Variants in NAALADL2 observed in about 807,000 individuals in gnomAD.
NAALADL2 encodes the protein N-acetylated alpha-linked acidic dipeptidase like 2.
In NAALADL2, 76 loss-of-function variants were observed where a neutral mutation model predicts 87.2. That is an observed-to-expected ratio of 0.87 (90% CI 0.72 to 1.05). The LOEUF is 1.05. Among genes scored for constraint, NAALADL2 ranks in the 50% least tolerant of loss-of-function variants. NAALADL2 has a pLI of 0.00. For missense variants in NAALADL2, 1,089 were observed against 945.8 expected, an observed-to-expected ratio of 1.15 and a Z score of -1.99; for synonymous variants, 354 against 331.0, an observed-to-expected ratio of 1.07 and a Z score of -0.75.
rs1186031982 is a variant in NAALADL2, at chr3:175,803,862, A to AAAT, written c.*660_*662dup. On this transcript the variant is annotated 3_prime_UTR_variant, in exon 14 of 14. Transcript: ENST00000454872. ...GAGCTACATAGAGCAATTTAAATGC[A>AAAT]AATTTTTTTCCTAACAACTTACAAG... The AAAT allele has an allele frequency of 6.6e-6, 1 of 152,406 alleles. No individual in the cohort carries two copies. Among genetic ancestry groups the AAAT allele is most frequent in the African/African-American group, 2.4e-5 (1 of 41,426 alleles). The allele number at this position is 152,406 out of a possible 1,614,324, so 9.4% of individuals were successfully genotyped here.
intron 2 of NAALADL2, among the ~76,000 whole-genome samples, chr3:174,606,867 G>A (rs542284789): frequency 1.1e-4 from 16 of 152,186 alleles, no homozygotes; most frequent in South Asian, 1.0e-3. Flanking sequence ...ACACATAATC[G>A]TCAGATTCAC....
chr3:175,485,670 C>G (rs1368248391), intron 9 of NAALADL2, among the ~76,000 whole-genome samples: 2 of 152,096 alleles, frequency 1.3e-5, no homozygotes, highest in Non-Finnish European at 2.9e-5. Context: ...GCTTTTCCAC[C>G]TTCATCTTCC....
At chr3:175,722,240 C>T (rs1260782726) in intron 11 of NAALADL2, among the ~76,000 whole-genome samples, 2 of 151,976 alleles carry the variant, frequency 1.3e-5, no homozygotes, top group Non-Finnish European at 2.9e-5. Context: ...TCAGTTGCTG[C>T]CCCATAAATT....
intron 1 of NAALADL2, among the ~76,000 whole-genome samples, chr3:175,026,104 C>A (rs1260064741): frequency 1.3e-5 from 2 of 152,114 alleles, no homozygotes; most frequent in Non-Finnish European, 2.9e-5. Context: ...AGCCACTGTA[C>A]CTGGCTGTTT....
chr3:174,646,606 T>C (rs1207524536), intron 2 of NAALADL2, among the ~76,000 whole-genome samples: 1 of 93,220 alleles, frequency 1.1e-5, no homozygotes, highest in African/African-American at 4.3e-5. Flanking sequence ...AGATAAACTT[T>C]AGATAACAGT....
chr3:175,291,331 C>G (rs1164456095), intron 4 of NAALADL2, among the ~76,000 whole-genome samples: 2 of 152,010 alleles, frequency 1.3e-5, no homozygotes, highest in African/African-American at 4.8e-5. Flanking sequence ...TTAGACTTTT[C>G]CAATTTGCTA....
chr3:175,407,111 G>C (rs1712552937), intron 5 of NAALADL2, among the ~76,000 whole-genome samples: 1 of 152,084 alleles, frequency 6.6e-6, no homozygotes, highest in Non-Finnish European at 1.5e-5. Flanking sequence ...TTGAACCCAG[G>C]AGGCAGAGGT....
chr3:175,781,308 G>A (rs955036922), intron 13 of NAALADL2, among the ~76,000 whole-genome samples: 8 of 152,064 alleles, frequency 5.3e-5, no homozygotes, highest in African/African-American at 1.9e-4. Context: ...TGATGTTTCA[G>A]TCAAATATGG....
intron 8 of NAALADL2, 117 bp from the exon 9 acceptor site, chr3:175,471,522 T>C: frequency 1.5e-6 from 1 of 646,078 alleles, no homozygotes; most frequent in South Asian, 2.0e-5. Flanking sequence ...AGAAGGTAAT[T>C]ATGCAATATA....
intron 2 of NAALADL2, among the ~76,000 whole-genome samples, chr3:174,705,511 G>A (rs1218589423): frequency 6.6e-6 from 1 of 152,112 alleles, no homozygotes; most frequent in African/African-American, 2.4e-5. Flanking sequence ...TGGGCCGGGC[G>A]CGATGGCTCA....
chr3:174,462,650 A>T lies in NAALADL2; in HGVS notation c.-184+21618A>T, dbSNP rs111737630. 7.0e-3 allele frequency among the ~76,000 whole-genome samples: 1,067 copies of T among 152,256 alleles called. 8 individuals carry two copies. The highest frequency in any genetic ancestry group is 0.025 in the African/African-American group (1,019 of 41,562). ...TCAGTGTTGTTAGAGAGGTGTCAAG[A>T]TATGCGTCTTTGAATTTGAGATAAT... On this transcript the variant is annotated intron_variant, in intron 1 of 3. Coordinates refer to the NAALADL2 transcript ENST00000434257.
At chr3:174,925,478 G>C (rs1735876919) in intron 1 of NAALADL2, among the ~76,000 whole-genome samples, 1 of 152,176 alleles carries the variant, frequency 6.6e-6, no homozygotes, top group Admixed American at 6.5e-5. Flanking sequence ...CTGTAGCCTT[G>C]TAGTATAGTT....
At position 174,639,501 on chromosome 3, in the gene NAALADL2, C is replaced by T. The variant is rs1420202606; in HGVS notation, c.-115+88864C>T. The stretch of plus-strand genomic sequence containing the variant: ...TCAGATTTAGCAGTAGTAATTACAT[C>T]GCTGCAAAAGCTACAAATTAGGGCT... On this transcript the variant is annotated intron_variant, in intron 2 of 3. Coordinates refer to the NAALADL2 transcript ENST00000434257. Among the ~76,000 whole-genome samples, 4 of 152,240 alleles carry T rather than the reference C, an allele frequency of 2.6e-5. No individual in the cohort carries two copies. The East Asian group carries it at 5.8e-4, about 22-fold the overall frequency.
chr3:174,982,345 G>C (rs949023052), intron 1 of NAALADL2, among the ~76,000 whole-genome samples: 1 of 151,620 alleles, frequency 6.6e-6, no homozygotes, highest in Admixed American at 6.6e-5. Flanking sequence ...TCAATTTTTA[G>C]CAGTATAACT....
chr3:175,447,763 C>T (rs1720929615), intron 6 of NAALADL2, among the ~76,000 whole-genome samples: 1 of 152,154 alleles, frequency 6.6e-6, no homozygotes, highest in Non-Finnish European at 1.5e-5. Context: ...TAGTATAAAG[C>T]ATTAAAGCCT....
At chr3:174,479,064 CTCTCTACACTTG>C (rs1374236687) in intron 1 of NAALADL2, among the ~76,000 whole-genome samples, 1 of 152,152 alleles carries the variant, frequency 6.6e-6, no homozygotes, top group Non-Finnish European at 1.5e-5. Flanking sequence ...GCCTTACATA[CTCTCTACACTTG>C]TACTGAAAAA....
chr3:175,342,779 C>G (rs1762701035), intron 5 of NAALADL2, among the ~76,000 whole-genome samples: 1 of 151,958 alleles, frequency 6.6e-6, no homozygotes, highest in Admixed American at 6.6e-5. Context: ...GTTTTGCTGC[C>G]TAATCAAAAC....
In NAALADL2 at chr3:174,775,033, C is replaced by T. The variant is rs1448395411; in HGVS notation, c.-9+37287C>T. 3.3e-5 allele frequency among the ~76,000 whole-genome samples: 5 copies of T among 151,956 alleles called. No homozygotes were observed. The South Asian group carries it at 6.2e-4, about 19-fold the overall frequency. On this transcript the variant is annotated intron_variant, in intron 3 of 3. Coordinates refer to the NAALADL2 transcript ENST00000434257. ...GATGGACACATGTCTTCGCACAGTT[C>T]CTGAGTGCCACTGTTATGAGTATAA...
At chr3:175,088,722 A>G (rs1038670236) in intron 1 of NAALADL2, among the ~76,000 whole-genome samples, 5 of 152,234 alleles carry the variant, frequency 3.3e-5, no homozygotes, top group Non-Finnish European at 5.9e-5. Flanking sequence ...TCCAAAAGCC[A>G]TAGTCAAAAA....
Sources: gnomAD v4.1 joint callset for allele counts (sites outside exome capture counted in the v4.1 genomes callset) on GRCh38, gnomAD v4.1.1 for gene constraint, MANE v1.5 for transcripts, NCBI Gene and HGNC (gene_info 2026-07-23, HGNC 2026-07-21) for gene names.